P3H2: variants seen among roughly 807,000 people sequenced by gnomAD.
P3H2 encodes leprecan-like 1.
In P3H2, 80 loss-of-function variants were observed where a neutral mutation model predicts 87.0. The ratio of observed to expected loss-of-function variants is 0.92; its 90% CI spans 0.77 to 1.11. The LOEUF is 1.11. Among genes scored for constraint, P3H2 ranks in the 50% least tolerant of loss-of-function variants. P3H2 has a pLI of 0.00. For missense variants in P3H2, 1,001 were observed against 923.9 expected (o/e 1.08, Z -1.08); for synonymous variants, 367 against 359.3 (o/e 1.02, Z -0.24).
At chr3:189,961,049 T>A (rs756337451) in intron 14 of P3H2, among the ~76,000 whole-genome samples, 22 of 152,122 alleles carry the variant, frequency 1.4e-4, no homozygotes, top group Non-Finnish European at 3.1e-4. Flanking sequence ...CAAGTGATTC[T>A]CCTGCCTCAG....
At chr3:190,120,143 G>C (rs1293085873) in intron 1 of P3H2, 109 bp downstream of exon 1, 1 of 1,291,330 alleles carries the variant, frequency 7.7e-7, no homozygotes, top group African/African-American at 1.5e-5. Context: ...CATATTTAAG[G>C]AGACCCAATT....
intron 1 of P3H2, among the ~76,000 whole-genome samples, chr3:190,084,332 CAATT>C (rs1727144246): frequency 1.3e-5 from 2 of 152,160 alleles, no homozygotes; most frequent in South Asian, 2.1e-4. Flanking sequence ...ATAAGGATGA[CAATT>C]AATCTGATGA....
At chr3:190,039,005 C>T (rs1725513889) in intron 1 of P3H2, among the ~76,000 whole-genome samples, 1 of 152,106 alleles carries the variant, frequency 6.6e-6, no homozygotes, top group Non-Finnish European at 1.5e-5. Flanking sequence ...GCCTGACCAA[C>T]ATGGAGAAAC....
chr3:190,097,650 T>C (rs1340083619), intron 1 of P3H2, among the ~76,000 whole-genome samples: 3 of 152,206 alleles, frequency 2.0e-5, no homozygotes, highest in African/African-American at 7.2e-5. Flanking sequence ...ATAAAATTAT[T>C]TTATTGTTGT....
intron 1 of P3H2, among the ~76,000 whole-genome samples, chr3:190,111,304 G>GC (rs5855305): frequency 2.0e-4 from 31 of 151,920 alleles, no homozygotes; most frequent in African/African-American, 7.5e-4. Flanking sequence ...TGTTTTCACC[G>GC]GGGCCTTACA....
chr3:190,109,606 T>A (rs1711987214), intron 1 of P3H2, among the ~76,000 whole-genome samples: 1 of 152,210 alleles, frequency 6.6e-6, no homozygotes, highest in African/African-American at 2.4e-5. Context: ...GAGAAAACTA[T>A]CTGGTCTTTT....
intron 1 of P3H2, among the ~76,000 whole-genome samples, chr3:190,081,976 G>T (rs1306409209): frequency 1.3e-5 from 2 of 152,110 alleles, no homozygotes; most frequent in East Asian, 3.9e-4. Flanking sequence ...GCTTGTGGCC[G>T]GGCACAATGG....
At chr3:190,008,921 C>A (rs1724479115) in intron 1 of P3H2, among the ~76,000 whole-genome samples, 1 of 151,526 alleles carries the variant, frequency 6.6e-6, no homozygotes, top group African/African-American at 2.4e-5. Flanking sequence ...AAGTAAGGGC[C>A]CTTAAGAGAA....
Position 190,041,087 on chromosome 3 carries a change from CTCTCTA to C in P3H2, c.481-45651_481-45646del, listed in dbSNP as rs1432948726. On this transcript the variant is annotated intron_variant, in intron 1 of 14. Transcript: ENST00000319332. ...ACACACACACACACACACACTCTCT[CTCTCTA>C]TATATATATATATACTATATATATA... Among the ~76,000 whole-genome samples the C allele has an allele frequency of 2.0e-4, 7 of 35,410 alleles. 1 individual carries two copies. Among genetic ancestry groups the C allele is most frequent in the African/African-American group, 7.0e-4 (4 of 5,736 alleles). 23.2% of individuals were successfully genotyped at this position (35,410 alleles called of 152,430 possible).
At chr3:190,011,731 G>A (rs1262959881) in intron 1 of P3H2, among the ~76,000 whole-genome samples, 1 of 152,150 alleles carries the variant, frequency 6.6e-6, no homozygotes, top group East Asian at 1.9e-4. Context: ...AATGGGCATA[G>A]ATTAACTTAC....
intron 1 of P3H2, among the ~76,000 whole-genome samples, chr3:190,079,861 AG>A (rs1726989169): frequency 6.6e-6 from 1 of 152,226 alleles, no homozygotes; most frequent in Non-Finnish European, 1.5e-5. Context: ...GTCAGTGCCC[AG>A]TTTTCTCATC....
intron 5 of P3H2, 55 bp from the exon 6 acceptor site, chr3:189,986,932 T>G (rs537762126): frequency 8.6e-7 from 1 of 1,163,084 alleles, no homozygotes; most frequent in Middle Eastern, 1.9e-4. Context: ...AGGTAAGAGA[T>G]ATGATAAATG....
Position 189,994,257 on chromosome 3 carries a change from A to C in P3H2, c.660T>G (p.His220Gln). 1 of 1,613,182 alleles carries C rather than the reference A, an allele frequency of 6.2e-7. No homozygotes were observed. Among genetic ancestry groups the C allele is most frequent in the Non-Finnish European group, 8.5e-7 (1 of 1,179,402 alleles). Reference protein sequence around the residue: ...HMESYNAGVKHYEADDFEMAI... With the variant: ...HMESYNAGVKQYEADDFEMAI... ...CCATCTCAAAGTCATCAGCCTCATA[A>C]TGTTTAACTCCTGCATTGTAACTCT... The change falls in exon 3 of 15, where the codon CAT (histidine) becomes CAG (glutamine). Residue 220 changes from histidine (H) to glutamine (Q), a missense_variant. His to Gln is a conservative substitution (Grantham distance 24). Transcript: ENST00000319332.
intron 3 of P3H2, 55 bp downstream of exon 3, chr3:189,994,039 G>A: frequency 7.5e-7 from 1 of 1,336,196 alleles, no homozygotes; most frequent in Non-Finnish European, 1.1e-6. Flanking sequence ...TTTACAAATT[G>A]CAAGTAGTAT....
At position 189,957,048 on chromosome 3, in the gene P3H2, G is replaced by A. The variant is rs1046068407; in HGVS notation, c.*864C>T. On this transcript the variant is annotated 3_prime_UTR_variant, in exon 15 of 15. Transcript: ENST00000319332. ...AGGACAGTCCTTTCTGGAGTACTGTGGAGGGTGAATCAAAGCTTCCAGTGT... is the reference window on the plus strand; with the variant it reads ...AGGACAGTCCTTTCTGGAGTACTGTAGAGGGTGAATCAAAGCTTCCAGTGT... The A allele has an allele frequency of 1.5e-5, 6 of 398,480 alleles. No homozygotes were observed. Among genetic ancestry groups the A allele is most frequent in the African/African-American group, 1.2e-4 (6 of 48,724 alleles). 24.7% of individuals were successfully genotyped at this position (398,480 alleles called of 1,614,324 possible).
chr3:190,002,960 T>G (rs1360822622), intron 1 of P3H2, among the ~76,000 whole-genome samples: 1 of 152,196 alleles, frequency 6.6e-6, no homozygotes, highest in African/African-American at 2.4e-5. Context: ...AATTCACAAG[T>G]TAGGTGGCCA....
intron 8 of P3H2, among the ~76,000 whole-genome samples, chr3:189,977,225 T>TGATA (rs1723378267): frequency 6.6e-6 from 1 of 152,178 alleles, no homozygotes; most frequent in Non-Finnish European, 1.5e-5. Context: ...ATGGCAAAGG[T>TGATA]GATAAGGTGT....
chr3:190,067,605 C>T (rs1333306204), intron 1 of P3H2, among the ~76,000 whole-genome samples: 1 of 152,116 alleles, frequency 6.6e-6, no homozygotes. Context: ...TAAAACGAAT[C>T]TCCTCTTCAC....
At chr3:189,966,432 G>A (rs1350205352) in intron 13 of P3H2, among the ~76,000 whole-genome samples, 1 of 152,218 alleles carries the variant, frequency 6.6e-6, no homozygotes, top group African/African-American at 2.4e-5. Flanking sequence ...TTTAGGAAAA[G>A]AAGCTGTGAA....
Sources: gnomAD v4.1 joint callset for allele counts (sites outside exome capture counted in the v4.1 genomes callset) on GRCh38, gnomAD v4.1.1 for gene constraint, MANE v1.5 for transcripts, NCBI Gene and HGNC (gene_info 2026-07-23, HGNC 2026-07-21) for gene names.